The following SYT1 variants were observed in gnomAD, a reference collection of about 807,000 sequenced individuals.
SYT1 encodes the protein synaptotagmin-1.
Under a neutral mutation model 44.8 loss-of-function variants are expected in SYT1, and 8 were observed. The observed-to-expected ratio is 0.18, with a 90% CI of 0.10 to 0.32. SYT1 has a LOEUF of 0.32. Among genes scored for constraint, SYT1 ranks in the 10% least tolerant of loss-of-function variants. SYT1 has a pLI of 1.00. For synonymous variants in SYT1, 154 were observed against 188.8 expected (o/e 0.82, Z 1.51); for missense variants, 286 against 509.3 (o/e 0.56, Z 4.22).
intron 2 of SYT1, among the ~76,000 whole-genome samples, chr12:78,978,654 G>A (rs909785336): frequency 2.6e-5 from 4 of 152,126 alleles, no homozygotes; most frequent in Admixed American, 6.6e-5. Context: ...TGAAGTAAAC[G>A]TGAGGTGATT....
chr12:79,340,040 T>A (rs1882289894), intron 8 of SYT1, among the ~76,000 whole-genome samples: 1 of 152,240 alleles, frequency 6.6e-6, no homozygotes, highest in Admixed American at 6.5e-5. Flanking sequence ...ATGTCTGTTT[T>A]GGTACCAGTA....
chr12:79,348,889 A>G (rs1346864503), intron 8 of SYT1, among the ~76,000 whole-genome samples: 1 of 151,630 alleles, frequency 6.6e-6, no homozygotes, highest in Non-Finnish European at 1.5e-5. Context: ...GACAGATGAA[A>G]AAAGACAAAG....
chr12:79,086,590 A>G (rs1400922575), intron 3 of SYT1, among the ~76,000 whole-genome samples: 65 of 152,196 alleles, frequency 4.3e-4, no homozygotes, highest in Non-Finnish European at 2.1e-4. Context: ...TAAAAGAAGC[A>G]TCATGGTTAC....
rs1870398905 is a variant in SYT1 at position 79,441,285 on chromosome 12, T to TTGTTGTTGTTG, written c.929-2787_929-2786insGTTGTTGTTGT. Among the ~76,000 whole-genome samples, 3 of 152,030 alleles carry TTGTTGTTGTTG rather than the reference T, an allele frequency of 2.0e-5. No individual in the cohort carries two copies. In the South Asian group the frequency reaches 6.2e-4, roughly 32 times the overall value. ...AAACCTGCTCCGCTTTCAGCCCTGT[T>TTGTTGTTGTTG]TTGTTGTTGTTGTTGTTGTTGTTGC... is the stretch of plus-strand genomic sequence containing the variant. On this transcript the variant is annotated intron_variant, in intron 9 of 10. Coordinates refer to ENST00000261205, the MANE Select transcript of SYT1 (RefSeq NM_005639.3).
chr12:79,064,709 G>T (rs923818270), intron 3 of SYT1, among the ~76,000 whole-genome samples: 2 of 151,544 alleles, frequency 1.3e-5, no homozygotes, highest in African/African-American at 4.9e-5. Flanking sequence ...GTGTGTGTTG[G>T]GGGGTATGAT....
intron 3 of SYT1, among the ~76,000 whole-genome samples, chr12:79,087,860 T>C (rs112577964): frequency 1.0e-3 from 155 of 152,232 alleles, no homozygotes; most frequent in African/African-American, 3.5e-3. Flanking sequence ...TTTAACACTT[T>C]CCTGCTTTCA....
intron 8 of SYT1, among the ~76,000 whole-genome samples, chr12:79,329,435 C>T (rs56372997): frequency 7.4e-4 from 112 of 152,132 alleles, no homozygotes; most frequent in African/African-American, 2.5e-3. Context: ...TAGCTGAGCA[C>T]GAAATACACA....
intron 4 of SYT1, among the ~76,000 whole-genome samples, chr12:79,236,509 A>T (rs1299987005): frequency 6.6e-6 from 1 of 152,168 alleles, no homozygotes; most frequent in Non-Finnish European, 1.5e-5. Flanking sequence ...CTAAGACTCA[A>T]TTCAAATGCT....
chr12:79,182,100 A>G (rs917755846), intron 3 of SYT1, among the ~76,000 whole-genome samples: 4 of 152,066 alleles, frequency 2.6e-5, no homozygotes, highest in African/African-American at 9.7e-5. Context: ...TGTCCTTTCA[A>G]CTGCAAAATT....
At chr12:79,059,489 C>T (rs892677740) in intron 3 of SYT1, among the ~76,000 whole-genome samples, 1 of 152,022 alleles carries the variant, frequency 6.6e-6, no homozygotes, top group Non-Finnish European at 1.5e-5. Flanking sequence ...TGAAAGAAAT[C>T]GTTATTTGTG....
chr12:78,892,172 A>C lies in SYT1; in HGVS notation c.-217+27063A>C, dbSNP rs1457555365. ...AAGTGGTTTAAATGGGATAATACTTAACATACTTTGATAAAAACCAGGTGG... is the reference window on the plus strand; with the variant it reads ...AAGTGGTTTAAATGGGATAATACTTCACATACTTTGATAAAAACCAGGTGG... On this transcript the variant is annotated intron_variant, in intron 1 of 10. Coordinates refer to ENST00000261205, the MANE Select transcript of SYT1 (RefSeq NM_005639.3). Among the ~76,000 whole-genome samples, 3 of 151,786 alleles carry C rather than the reference A, an allele frequency of 2.0e-5. No homozygotes were observed. In the East Asian group the frequency reaches 5.8e-4, roughly 29 times the overall value.
chr12:79,319,754 T>A (rs1881265837), intron 8 of SYT1, among the ~76,000 whole-genome samples: 1 of 152,204 alleles, frequency 6.6e-6, no homozygotes, highest in Non-Finnish European at 1.5e-5. Flanking sequence ...TCATATAAAA[T>A]TCACATGCTT....
intron 9 of SYT1, among the ~76,000 whole-genome samples, chr12:79,403,701 C>G (rs934481271): frequency 1.3e-5 from 2 of 151,976 alleles, no homozygotes; most frequent in Non-Finnish European, 2.9e-5. Context: ...TGATAAATAG[C>G]AGATGTATTT....
At chr12:79,015,529 A>C (rs1017655314) in intron 2 of SYT1, among the ~76,000 whole-genome samples, 4 of 152,206 alleles carry the variant, frequency 2.6e-5, no homozygotes, top group African/African-American at 7.2e-5. Flanking sequence ...TTTAAACTAG[A>C]AGAATCAGAG....
chr12:78,873,769 A>G (rs968944929), intron 1 of SYT1, among the ~76,000 whole-genome samples: 4 of 151,656 alleles, frequency 2.6e-5, no homozygotes, highest in Admixed American at 2.6e-4. Flanking sequence ...CTTCTATTCC[A>G]AGGTAGAATG....
At chr12:79,223,014 G>C (rs1389830700) in intron 4 of SYT1, among the ~76,000 whole-genome samples, 1 of 151,552 alleles carries the variant, frequency 6.6e-6, no homozygotes, top group Non-Finnish European at 1.5e-5. Flanking sequence ...TCTTATTCTG[G>C]TCTCATATTA....
intron 9 of SYT1, among the ~76,000 whole-genome samples, chr12:79,411,263 G>C (rs565879507): frequency 2.8e-4 from 43 of 152,130 alleles, no homozygotes; most frequent in Non-Finnish European, 6.0e-4. Flanking sequence ...AAGAGAAAAA[G>C]GGAAAAATAA....
intron 6 of SYT1, among the ~76,000 whole-genome samples, chr12:79,293,963 T>A (rs534057304): frequency 6.6e-6 from 1 of 152,250 alleles, no homozygotes; most frequent in East Asian, 1.9e-4. Flanking sequence ...GCAAAACCTC[T>A]TATTTATATA....
intron 2 of SYT1, among the ~76,000 whole-genome samples, chr12:79,001,161 C>A: frequency 6.6e-6 from 1 of 151,804 alleles, no homozygotes. Context: ...CTAAAAATTG[C>A]CATTATTTAA....
Sources: gnomAD v4.1 joint callset for allele counts (sites outside exome capture counted in the v4.1 genomes callset) on GRCh38, gnomAD v4.1.1 for gene constraint, MANE v1.5 for transcripts, NCBI Gene and HGNC (gene_info 2026-07-23, HGNC 2026-07-21) for gene names.